Variants in UBTD2 observed in about 807,000 individuals in gnomAD.
UBTD2 encodes the protein ubiquitin domain-containing protein 2.
A neutral mutation model predicts 19.8 loss-of-function variants in UBTD2; 9 were observed. The ratio of observed to expected loss-of-function variants is 0.46; its 90% confidence interval spans 0.27 to 0.79. The LOEUF (loss-of-function observed/expected upper bound fraction) is 0.79. Among genes scored for constraint, UBTD2 ranks in the 30% least tolerant of loss-of-function variants. The pLI, the probability that UBTD2 is intolerant of heterozygous loss-of-function variation, is 0.14. For missense variants in UBTD2, 250 were observed against 300.4 expected (o/e 0.83, Z 1.24); for synonymous variants, 98 against 103.9 (o/e 0.94, Z 0.35).
At chr5:172,234,412 T>C in intron 1 of UBTD2, 54 bp from the exon 2 acceptor site, 2 of 1,390,450 alleles carry the variant, frequency 1.4e-6, no homozygotes, top group Non-Finnish European at 2.0e-6. Context: ...AAAATATGTA[T>C]CAAAAGTTAT....
chr5:172,230,928 C>T (rs973509155), intron 2 of UBTD2, among the ~76,000 whole-genome samples: 13 of 151,922 alleles, frequency 8.6e-5, no homozygotes, highest in African/African-American at 4.8e-5. Flanking sequence ...GGACTATAGG[C>T]GCCTGCCACA....
intron 1 of UBTD2, among the ~76,000 whole-genome samples, chr5:172,280,223 A>AGT (rs150507339): frequency 3.3e-5 from 5 of 151,104 alleles, no homozygotes; most frequent in East Asian, 3.9e-4. Flanking sequence ...TTAAAAAAAA[A>AGT]AGGCTGGGCA....
chr5:172,274,458 G>C (rs1268708364), intron 1 of UBTD2, among the ~76,000 whole-genome samples: 1 of 151,818 alleles, frequency 6.6e-6, no homozygotes, highest in Admixed American at 6.6e-5. Flanking sequence ...TTTACTATTG[G>C]CACAAACCAA....
At chr5:172,228,903 T>G (rs1263041509) in intron 2 of UBTD2, among the ~76,000 whole-genome samples, 1 of 152,086 alleles carries the variant, frequency 6.6e-6, no homozygotes, top group Non-Finnish European at 1.5e-5. Flanking sequence ...TAATGCACAT[T>G]TAATATATTT....
At chr5:172,244,051 TTC>T (rs1772187007) in intron 1 of UBTD2, among the ~76,000 whole-genome samples, 1 of 151,900 alleles carries the variant, frequency 6.6e-6, no homozygotes, top group Admixed American at 6.6e-5. Context: ...AGTTGCAACG[TTC>T]TATTTGGGCC....
intron 2 of UBTD2, among the ~76,000 whole-genome samples, chr5:172,226,180 T>A (rs971277074): frequency 9.9e-5 from 15 of 152,086 alleles, no homozygotes; most frequent in African/African-American, 3.4e-4. Context: ...AACATTTGAG[T>A]TGGAAATTGC....
chr5:172,265,421 G>A lies in UBTD2; in HGVS notation c.70+18175C>T, dbSNP rs190513187. 7.2e-5 allele frequency among the ~76,000 whole-genome samples: 11 copies of A among 152,212 alleles called. No homozygotes were observed. The East Asian group carries it at 1.2e-3, about 16-fold the overall frequency. ...ACGATCTTGGCTCACTGCAAGCTCCGCCCCCTGGGTTCACGCCATTCTCCT... is the reference window on the plus strand; with the variant it reads ...ACGATCTTGGCTCACTGCAAGCTCCACCCCCTGGGTTCACGCCATTCTCCT... On this transcript the variant is annotated intron_variant, in intron 1 of 2. Transcript: ENST00000393792.
intron 1 of UBTD2, among the ~76,000 whole-genome samples, chr5:172,238,985 C>T (rs1459770879): frequency 1.3e-5 from 2 of 152,144 alleles, no homozygotes; most frequent in Admixed American, 1.3e-4. Flanking sequence ...ACTAAAAGGA[C>T]ACTTGCAAAT....
At chr5:172,254,732 G>A (rs374722885) in intron 1 of UBTD2, 23 of 293,846 alleles carry the variant, frequency 7.8e-5, no homozygotes, top group African/African-American at 5.2e-4. Flanking sequence ...CAATGCTTGT[G>A]GGGGGGAACA....
At position 172,266,546 on chromosome 5, in the gene UBTD2, C is replaced by A. The variant is rs190138550; in HGVS notation, c.70+17050G>T. Reference sequence around the variant, plus strand: ...AAGTACTTCCTGTCTGAATTTCCTACGGTTAAACATAAGTCTGTTCCAATT... The same window carrying A: ...AAGTACTTCCTGTCTGAATTTCCTAAGGTTAAACATAAGTCTGTTCCAATT... On this transcript the variant is annotated intron_variant, in intron 1 of 2. Transcript: ENST00000393792. Among the ~76,000 whole-genome samples the A allele has an allele frequency of 3.3e-5, 5 of 152,192 alleles. No individual in the cohort carries two copies. In the East Asian group the frequency reaches 7.7e-4, roughly 23 times the overall value.
chr5:172,278,931 C>A (rs993927535), intron 1 of UBTD2, among the ~76,000 whole-genome samples: 2 of 152,126 alleles, frequency 1.3e-5, no homozygotes, highest in Non-Finnish European at 2.9e-5. Flanking sequence ...CTCGCCACCA[C>A]CACACCCGGC....
chr5:172,273,875 A>G (rs964418106), intron 1 of UBTD2, among the ~76,000 whole-genome samples: 76 of 152,054 alleles, frequency 5.0e-4, no homozygotes, highest in Admixed American at 8.5e-4. Flanking sequence ...TTTTCAACCT[A>G]TATCTTCTTG....
At chr5:172,280,915 G>A (rs1385179363) in intron 1 of UBTD2, among the ~76,000 whole-genome samples, 1 of 152,146 alleles carries the variant, frequency 6.6e-6, no homozygotes, top group Non-Finnish European at 1.5e-5. Context: ...GCATACATAA[G>A]AGATGGATTC....
chr5:172,256,301 C>T (rs1203658312), intron 1 of UBTD2, among the ~76,000 whole-genome samples: 1 of 151,918 alleles, frequency 6.6e-6, no homozygotes, highest in African/African-American at 2.4e-5. Flanking sequence ...CTGCCCCCAA[C>T]ACACACACAC....
chr5:172,266,104 T>C (rs181013646), intron 1 of UBTD2, among the ~76,000 whole-genome samples: 259 of 152,082 alleles, frequency 1.7e-3, no homozygotes, highest in African/African-American at 5.7e-3. Flanking sequence ...CGGCTAATTT[T>C]TGTTTTAGTA....
At chr5:172,247,170 T>C (rs955360344) in intron 1 of UBTD2, among the ~76,000 whole-genome samples, 3 of 151,960 alleles carry the variant, frequency 2.0e-5, no homozygotes, top group South Asian at 2.1e-4. Flanking sequence ...GGATGATAAA[T>C]AGAATCATGC....
chr5:172,271,008 T>C (rs1180117840), intron 1 of UBTD2, among the ~76,000 whole-genome samples: 2 of 152,168 alleles, frequency 1.3e-5, no homozygotes, highest in Non-Finnish European at 2.9e-5. Flanking sequence ...ACATTTCACC[T>C]ATCTCCTCTA....
In UBTD2 at chr5:172,251,967, C is replaced by G. The variant is rs114634505; in HGVS notation, c.71-17609G>C. ...TGACAATAATATCTGTTTCATAGGA[C>G]TGTTATAAAGATTTAACGAGGTAAT... On this transcript the variant is annotated intron_variant, in intron 1 of 2. Coordinates refer to ENST00000393792, the MANE Select transcript of UBTD2 (RefSeq NM_152277.3). Among the ~76,000 whole-genome samples, 110 of 152,242 alleles carry G rather than the reference C, an allele frequency of 7.2e-4. No homozygotes were observed. In the Middle Eastern group the frequency reaches 0.01, roughly 14 times the overall value.
Position 172,243,826 on chromosome 5 carries a change from G to T in UBTD2, c.71-9468C>A, listed in dbSNP as rs551221175. 6.6e-5 allele frequency among the ~76,000 whole-genome samples: 10 copies of T among 152,010 alleles called. No individual in the cohort carries two copies. In the East Asian group the frequency reaches 1.4e-3, roughly 21 times the overall value. On this transcript the variant is annotated intron_variant, in intron 1 of 2. Transcript: ENST00000393792. ...GATCCACCCGCCTCGGCCTCCCAAA[G>T]AATTTTTTTTTTGGCGTTGTTTAAG...
Sources: allele counts gnomAD v4.1 joint callset (sites outside exome capture counted in the v4.1 genomes callset), GRCh38; gene constraint gnomAD v4.1.1; transcripts MANE v1.5; gene names NCBI Gene and HGNC (gene_info 2026-07-23, HGNC 2026-07-21).